Variants in SPMIP3 observed in about 807,000 individuals in gnomAD.
SPMIP3 encodes protein SPMIP3.
the SPMIP3 span, among the ~76,000 whole-genome samples, chr1:244,381,590 G>A: frequency 8.5e-5 from 13 of 152,236 alleles, no homozygotes; most frequent in Non-Finnish European, 1.6e-4. Context: ...ATCCAGTTGG[G>A]AAGATGAGGC....
chr1:244,389,151 G>C, the SPMIP3 span: 3 of 1,002,842 alleles, frequency 3.0e-6, no homozygotes, highest in South Asian at 1.4e-5. Flanking sequence ...ACTACTTTCA[G>C]TTTCAGTGTG....
chr1:244,369,672 C>T, the SPMIP3 span, among the ~76,000 whole-genome samples: 2 of 148,502 alleles, frequency 1.3e-5, no homozygotes, highest in South Asian at 2.1e-4. Context: ...ACATAGGGCA[C>T]GAAAGATTGG....
chr1:244,376,067 G>A, the SPMIP3 span, among the ~76,000 whole-genome samples: 1 of 152,102 alleles, frequency 6.6e-6, no homozygotes, highest in Non-Finnish European at 1.5e-5. Flanking sequence ...ACAAGGTCAG[G>A]TACCTGTTAA....
chr1:244,376,927 G>A, the SPMIP3 span, among the ~76,000 whole-genome samples: 1 of 151,606 alleles, frequency 6.6e-6, no homozygotes, highest in African/African-American at 2.4e-5. Context: ...TCCTGCCTCA[G>A]CCTCCCGAGT....
the SPMIP3 span, among the ~76,000 whole-genome samples, chr1:244,363,862 A>G: frequency 3.1e-3 from 473 of 152,284 alleles, no homozygotes; most frequent in Non-Finnish European, 4.3e-3. Context: ...GCCTCTGCCT[A>G]ATGTCCACCT....
chr1:244,353,236 CAA>C, the SPMIP3 span, among the ~76,000 whole-genome samples: 10 of 152,116 alleles, frequency 6.6e-5, no homozygotes, highest in African/African-American at 1.7e-4. Context: ...CCTGAAGAGA[CAA>C]AGTGCTGTAT....
At chr1:244,361,867 C>T in the SPMIP3 span, among the ~76,000 whole-genome samples, 1 of 152,178 alleles carries the variant, frequency 6.6e-6, no homozygotes, top group Non-Finnish European at 1.5e-5. Flanking sequence ...CCCTGAATAC[C>T]TGGCATTCTT....
chr1:244,388,803 A>G, the SPMIP3 span: 4 of 573,324 alleles, frequency 7.0e-6, no homozygotes, highest in African/African-American at 1.9e-5. Flanking sequence ...CTTTTGACTG[A>G]GTCCTTTTTC....
chr1:244,364,253 C>T, the SPMIP3 span, among the ~76,000 whole-genome samples: 3 of 151,960 alleles, frequency 2.0e-5, no homozygotes, highest in South Asian at 2.1e-4. Flanking sequence ...TACAGGCGCC[C>T]GCCACCAGGC....
chr1:244,365,891 A>G, the SPMIP3 span, among the ~76,000 whole-genome samples: 12 of 152,210 alleles, frequency 7.9e-5, 1 homozygote, highest in African/African-American at 2.9e-4. Flanking sequence ...CTCTGATGAG[A>G]GCTGACGGCA....
chr1:244,360,866 A>T, the SPMIP3 span, among the ~76,000 whole-genome samples: 6 of 138,726 alleles, frequency 4.3e-5, no homozygotes, highest in Admixed American at 3.1e-4. Flanking sequence ...CCTGGGTGAC[A>T]GAGTGAGACT....
the SPMIP3 span, among the ~76,000 whole-genome samples, chr1:244,372,793 A>G: frequency 6.6e-6 from 1 of 152,164 alleles, no homozygotes; most frequent in African/African-American, 2.4e-5. Context: ...GGACATCCCG[A>G]AAGACCCCAC....
At chr1:244,359,587 G>C in the SPMIP3 span, among the ~76,000 whole-genome samples, 1 of 152,160 alleles carries the variant, frequency 6.6e-6, no homozygotes, top group Middle Eastern at 3.4e-3. Context: ...GCTGGGTGTG[G>C]TGGCGGGCGC....
the SPMIP3 span, among the ~76,000 whole-genome samples, chr1:244,363,007 C>CT: frequency 0.047 from 6,641 of 142,432 alleles, 402 homozygotes; most frequent in East Asian, 0.25. Context: ...CCACACCAGG[C>CT]TTTTTTTTTT....
the SPMIP3 span, among the ~76,000 whole-genome samples, chr1:244,355,953 C>CT: frequency 7.9e-5 from 12 of 151,872 alleles, no homozygotes; most frequent in Non-Finnish European, 1.0e-4. Context: ...AATGTTTGTT[C>CT]TTTTTTTTAT....
the SPMIP3 span, among the ~76,000 whole-genome samples, chr1:244,357,277 T>C: frequency 5.3e-5 from 8 of 151,310 alleles, no homozygotes; most frequent in African/African-American, 1.7e-4. Context: ...GTATGGCAAA[T>C]GGGGATAAGT....
the SPMIP3 span, among the ~76,000 whole-genome samples, chr1:244,378,181 G>A: frequency 3.9e-5 from 6 of 152,234 alleles, no homozygotes; most frequent in South Asian, 2.1e-4. Flanking sequence ...CCTCTGGAGC[G>A]CGGGGAGTGG....
chr1:244,381,292 T>C, the SPMIP3 span, among the ~76,000 whole-genome samples: 18 of 152,206 alleles, frequency 1.2e-4, no homozygotes, highest in African/African-American at 4.3e-4. Flanking sequence ...AACTGGGAGT[T>C]TGAAAGCTGT....
At chr1:244,374,587 CTTTTTTTTT>C in the SPMIP3 span, among the ~76,000 whole-genome samples, 149 of 74,650 alleles carry the variant, frequency 2.0e-3, no homozygotes, top group African/African-American at 7.3e-3. Flanking sequence ...CCACATTTCT[CTTTTTTTTT>C]TTTTTTTTTT....
Sources: gnomAD v4.1 joint callset for allele counts (sites outside exome capture counted in the v4.1 genomes callset) on GRCh38, gnomAD v4.1.1 for gene constraint, MANE v1.5 for transcripts, NCBI Gene and HGNC (gene_info 2026-07-23, HGNC 2026-07-21) for gene names.